Variants in MTIF2 observed in about 807,000 individuals in gnomAD.
The protein encoded by MTIF2 is mitochondrial translational initiation factor 2.
In MTIF2, 71 loss-of-function variants were observed where a neutral mutation model predicts 83.5. That is an observed-to-expected ratio of 0.85 (90% CI 0.70 to 1.04). MTIF2 has a LOEUF of 1.04. Among genes scored for constraint, MTIF2 ranks in the 50% least tolerant of loss-of-function variants. The pLI is 0.00. For missense variants in MTIF2, 957 were observed against 846.5 expected (o/e 1.13, Z -1.62); for synonymous variants, 319 against 287.1 (o/e 1.11, Z -1.12).
In MTIF2 at chr2:55,268,694, C is replaced by T. The variant is rs1678613712; in HGVS notation, c.-191G>A. 1 of 152,260 alleles carries T rather than the reference C, an allele frequency of 6.6e-6. No homozygotes were observed. Among genetic ancestry groups the T allele is most frequent in the African/African-American group, 2.4e-5 (1 of 41,446 alleles). 9.4% of individuals were successfully genotyped at this position (152,260 alleles called of 1,614,324 possible). On this transcript the variant is annotated 5_prime_UTR_variant, in exon 2 of 16. Coordinates refer to ENST00000263629, the MANE Select transcript of MTIF2 (RefSeq NM_002453.3). Reference sequence around the variant, plus strand: ...AGACTAGAACCCAGACGTTCTGACTCCCAGTACGGTGTTGTTTCGCCGCTA... The same window carrying T: ...AGACTAGAACCCAGACGTTCTGACTTCCAGTACGGTGTTGTTTCGCCGCTA...
chr2:55,269,082 T>A (rs1478721541), intron 1 of MTIF2, 87 bp downstream of exon 1: 1 of 152,294 alleles, frequency 6.6e-6, no homozygotes, highest in East Asian at 1.9e-4. Context: ...TTCGCGTGAT[T>A]TGTGCCACTG....
intron 12 of MTIF2, 65 bp from the exon 13 acceptor site, chr2:55,243,145 A>T: frequency 6.8e-7 from 1 of 1,461,316 alleles, no homozygotes. Context: ...CATAAAAATG[A>T]CAATAATCTA....
At chr2:55,264,409 G>A (rs746538283) in intron 3 of MTIF2, among the ~76,000 whole-genome samples, 1 of 151,988 alleles carries the variant, frequency 6.6e-6, no homozygotes, top group South Asian at 2.1e-4. Flanking sequence ...TTTTTTGTTT[G>A]TTTTTTTGGT....
At position 55,237,599 on chromosome 2, in the gene MTIF2, G is replaced by A. The variant is rs150055262; in HGVS notation, c.1871-171C>T. On this transcript the variant is annotated intron_variant, in intron 14 of 15. Coordinates refer to ENST00000263629, the MANE Select transcript of MTIF2 (RefSeq NM_002453.3). ...ATTTTATTTTCCTGACCAATATTAAGAATAAAAATGAATGAAAATCTTTGG... is the reference window on the plus strand; with the variant it reads ...ATTTTATTTTCCTGACCAATATTAAAAATAAAAATGAATGAAAATCTTTGG... Among the ~76,000 whole-genome samples the A allele has an allele frequency of 2.0e-3, 295 of 149,176 alleles. 3 individuals are homozygous for A. The highest frequency in any genetic ancestry group is 6.9e-3 in the African/African-American group (283 of 40,726).
intron 8 of MTIF2, among the ~76,000 whole-genome samples, chr2:55,252,211 C>T (rs577348827): frequency 6.6e-6 from 1 of 151,508 alleles, no homozygotes; most frequent in Admixed American, 6.6e-5. Context: ...TTTAAAATTT[C>T]TATGATAAAA....
At chr2:55,258,875 G>T (rs181923819) in intron 5 of MTIF2, among the ~76,000 whole-genome samples, 1 of 151,476 alleles carries the variant, frequency 6.6e-6, no homozygotes, top group Non-Finnish European at 1.5e-5. Context: ...AGCTATTCAG[G>T]AGGCTGAAGC....
At chr2:55,257,316 T>C (rs955418461) in intron 5 of MTIF2, among the ~76,000 whole-genome samples, 2 of 151,892 alleles carry the variant, frequency 1.3e-5, no homozygotes, top group Non-Finnish European at 1.5e-5. Flanking sequence ...CCCATCTCCA[T>C]TAAAAATACA....
chr2:55,256,301 TACACACAC>T (rs59068934), intron 5 of MTIF2, among the ~76,000 whole-genome samples: 11 of 149,932 alleles, frequency 7.3e-5, no homozygotes, highest in East Asian at 3.9e-4. Flanking sequence ...TACACACATA[TACACACAC>T]ACACACACAC....
At chr2:55,237,196 G>C in intron 15 of MTIF2, 92 bp downstream of exon 15, 2 of 1,359,374 alleles carry the variant, frequency 1.5e-6, no homozygotes, top group Non-Finnish European at 2.0e-6. Flanking sequence ...TGAGATTATG[G>C]GCATGAAAGA....
chr2:55,247,526 T>C (rs951380649), intron 9 of MTIF2, among the ~76,000 whole-genome samples: 16 of 152,208 alleles, frequency 1.1e-4, no homozygotes, highest in African/African-American at 3.4e-4. Flanking sequence ...CTCTCCAGCC[T>C]GAGACACAGA....
chr2:55,246,869 T>G (rs1676737785), intron 9 of MTIF2, among the ~76,000 whole-genome samples: 1 of 152,192 alleles, frequency 6.6e-6, no homozygotes, highest in Admixed American at 6.5e-5. Flanking sequence ...TTAAGTTCTA[T>G]CCAACTGAAC....
chr2:55,256,299 T>A (rs1049677226), intron 5 of MTIF2, among the ~76,000 whole-genome samples: 2 of 44,612 alleles, frequency 4.5e-5, no homozygotes, highest in East Asian at 1.6e-3. Context: ...CATACACACA[T>A]ATACACACAC....
At chr2:55,244,738 G>A (rs1351041729) in intron 10 of MTIF2, among the ~76,000 whole-genome samples, 2 of 151,740 alleles carry the variant, frequency 1.3e-5, no homozygotes, top group African/African-American at 4.8e-5. Context: ...AACATAGCAG[G>A]ACCCTATCTC....
intron 9 of MTIF2, among the ~76,000 whole-genome samples, chr2:55,247,948 T>C (rs752489988): frequency 2.6e-5 from 4 of 152,302 alleles, no homozygotes; most frequent in Non-Finnish European, 5.9e-5. Flanking sequence ...TGGAGTGCAG[T>C]GGCATCATCT....
intron 3 of MTIF2, among the ~76,000 whole-genome samples, chr2:55,267,195 C>T (rs532383540): frequency 1.3e-5 from 2 of 151,832 alleles, no homozygotes; most frequent in Non-Finnish European, 2.9e-5. Flanking sequence ...TTTTGCTCAT[C>T]GCTCAGGCTG....
At chr2:55,253,790 G>GAT in intron 7 of MTIF2, among the ~76,000 whole-genome samples, 1 of 16,952 alleles carries the variant, frequency 5.9e-5, no homozygotes, top group Admixed American at 8.0e-4. Flanking sequence ...ACTCCAGCCT[G>GAT]GGTGACAGAG....
intron 7 of MTIF2, among the ~76,000 whole-genome samples, 173 bp from the exon 8 acceptor site, chr2:55,252,826 T>C (rs2104393604): frequency 6.6e-6 from 1 of 152,348 alleles, no homozygotes; most frequent in East Asian, 1.9e-4. Flanking sequence ...AGTGATAAAA[T>C]GCCAGTGAGA....
rs1414955325 is a variant in MTIF2, at chr2:55,262,421, C to G, written c.226G>C (p.Gly76Arg). ...YRLLVTKKEE[G>R]PWKSQLSSTK... The stretch of plus-strand genomic sequence containing the variant: ...GAAGATAACTGAGATTTCCATGGTC[C>G]TTCTTCCTATTAAAAAAATCAGAAC... Residue 76 changes from glycine to arginine, a missense_variant, in exon 5 of 16, where the codon GGA (glycine) becomes CGA (arginine). Gly to Arg is a moderately radical substitution (Grantham distance 125). Transcript: ENST00000263629. 1.2e-6 allele frequency: 2 copies of G among 1,600,458 alleles called. No homozygotes were observed. The highest frequency in any genetic ancestry group is 1.3e-5 in the African/African-American group (1 of 74,166).
chr2:55,252,341 CAA>C (rs1423714108), intron 8 of MTIF2, 134 bp downstream of exon 8: 14 of 749,802 alleles, frequency 1.9e-5, no homozygotes, highest in Non-Finnish European at 3.0e-5. Flanking sequence ...TGTGGGAAAA[CAA>C]TTTATCTTTG....
Sources: allele counts gnomAD v4.1 joint callset (sites outside exome capture counted in the v4.1 genomes callset), GRCh38; gene constraint gnomAD v4.1.1; transcripts MANE v1.5; gene names NCBI Gene and HGNC (gene_info 2026-07-23, HGNC 2026-07-21).